APBB2: variants seen among roughly 807,000 people sequenced by gnomAD.
APBB2 encodes the protein Fe65-like 1.
In APBB2, 38 loss-of-function variants were observed where a neutral mutation model predicts 82.5. That is an observed-to-expected ratio of 0.46 (90% CI 0.36 to 0.60). APBB2 has a LOEUF of 0.60. APBB2 is among the 20% of genes least tolerant of loss of function. The pLI is 0.00. For missense variants in APBB2, 772 were observed against 972.3 expected (o/e 0.79, Z 2.74); for synonymous variants, 341 against 368.2 (o/e 0.93, Z 0.85).
At chr4:40,909,357 T>C (rs1777935872) in intron 10 of APBB2, among the ~76,000 whole-genome samples, 1 of 152,162 alleles carries the variant, frequency 6.6e-6, no homozygotes, top group African/African-American at 2.4e-5. Flanking sequence ...GTTTGCTCTC[T>C]GCAGGAAACC....
Position 40,992,725 on chromosome 4 carries a change from C to T in APBB2, c.835+20858G>A, listed in dbSNP as rs369897368. Among the ~76,000 whole-genome samples, 68 of 152,174 alleles carry T rather than the reference C, an allele frequency of 4.5e-4. No homozygotes were observed. The Middle Eastern group carries it at 0.01, about 23-fold the overall frequency. On this transcript the variant is annotated intron_variant, in intron 6 of 17. Coordinates refer to ENST00000508593, the MANE Select transcript of APBB2 (RefSeq NM_004307.2). ...AGCAGGAGTATCACGAGCAGAAGAC[C>T]GACCCCCGATGTCCAGGCCAGGGAG...
intron 1 of APBB2, among the ~76,000 whole-genome samples, chr4:41,212,208 T>C (rs1779494532): frequency 6.6e-6 from 1 of 152,240 alleles, no homozygotes; most frequent in Non-Finnish European, 1.5e-5. Context: ...AAGTACCAGT[T>C]TAAAAATATT....
chr4:41,193,004 C>G (rs1774908592), intron 1 of APBB2, among the ~76,000 whole-genome samples: 2 of 152,222 alleles, frequency 1.3e-5, no homozygotes, highest in African/African-American at 4.8e-5. Context: ...CATTTGATTT[C>G]TAGTAGTGAG....
At position 40,823,721 on chromosome 4, in the gene APBB2, T is replaced by C; in HGVS notation, c.1855A>G (p.Thr619Ala). 4 of 1,613,838 alleles carry C rather than the reference T, an allele frequency of 2.5e-6. No individual in the cohort carries two copies. The highest frequency in any genetic ancestry group is 1.6e-4 in the Middle Eastern group (1 of 6,062). ...ILNSAIENLM[T>A]SSNKEDWLSV... ...AGCCAGTCCTCCTTGTTGGATGAGGTCATAAGATTTTCTATGGCACTGTTC... is the reference window on the plus strand; with the variant it reads ...AGCCAGTCCTCCTTGTTGGATGAGGCCATAAGATTTTCTATGGCACTGTTC... Residue 619 changes from threonine (T) to alanine (A), a missense_variant, in exon 16 of 18, where the codon ACC becomes GCC. Physicochemically the swap from Thr to Ala is moderately conservative, Grantham distance 58. Transcript: ENST00000508593.
chr4:40,913,213 G>A (rs967496860), intron 10 of APBB2, among the ~76,000 whole-genome samples: 1 of 152,198 alleles, frequency 6.6e-6, no homozygotes, highest in Non-Finnish European at 1.5e-5. Flanking sequence ...AGTCTGGGGG[G>A]TCAGAGCTGG....
intron 2 of APBB2, among the ~76,000 whole-genome samples, chr4:41,115,805 T>C (rs914643639): frequency 6.6e-6 from 1 of 151,960 alleles, no homozygotes; most frequent in Non-Finnish European, 1.5e-5. Flanking sequence ...CATTAAAAAG[T>C]TAGGAAACAA....
intron 6 of APBB2, among the ~76,000 whole-genome samples, chr4:40,981,123 A>C (rs1798352040): frequency 6.6e-6 from 1 of 152,228 alleles, no homozygotes; most frequent in South Asian, 2.1e-4. Flanking sequence ...ACTTGTTTAT[A>C]GTGCTAGGGT....
Position 40,826,987 on chromosome 4 carries a change from C to T in APBB2, c.1732+145G>A. 1 of 687,248 alleles carries T rather than the reference C, an allele frequency of 1.5e-6. No individual in the cohort carries two copies. Among genetic ancestry groups the T allele is most frequent in the South Asian group, 1.9e-5 (1 of 53,892 alleles). 42.6% of individuals were successfully genotyped at this position (687,248 alleles called of 1,614,324 possible). A position where few individuals can be genotyped will look rare whatever the true frequency, so the allele number is the denominator to read the frequency against. On this transcript the variant is annotated intron_variant, in intron 14 of 17. Transcript: ENST00000508593. This position sits in a 1 kb window ranked among gnomAD's most constrained non-coding sequence, Gnocchi z 4.5. ...AAATCAACTCTGTGCCTCTGTGAGA[C>T]CCAGCGTGCAGGCTCAACTTGTGCT...
chr4:41,210,257 G>C (rs898151897), intron 1 of APBB2, among the ~76,000 whole-genome samples: 3 of 152,230 alleles, frequency 2.0e-5, no homozygotes, highest in African/African-American at 7.2e-5. Context: ...CTGCATCACA[G>C]ATCTCTAGAC....
intron 6 of APBB2, among the ~76,000 whole-genome samples, chr4:40,982,900 C>A (rs924148533): frequency 4.6e-5 from 7 of 152,178 alleles, no homozygotes; most frequent in African/African-American, 1.4e-4. Flanking sequence ...TGCCATGTAC[C>A]TGGACTTTAA....
At chr4:40,984,433 T>G (rs115150174) in intron 6 of APBB2, among the ~76,000 whole-genome samples, 2 of 152,090 alleles carry the variant, frequency 1.3e-5, no homozygotes, top group Admixed American at 6.6e-5. Context: ...TTTTGGGATT[T>G]TGAAAGAAGT....
At chr4:41,058,820 C>G (rs1439266876) in intron 4 of APBB2, among the ~76,000 whole-genome samples, 1 of 152,022 alleles carries the variant, frequency 6.6e-6, no homozygotes, top group East Asian at 1.9e-4. Flanking sequence ...GCTGAGGTGA[C>G]AGGGAAGGGC....
intron 10 of APBB2, among the ~76,000 whole-genome samples, chr4:40,918,762 T>G (rs2154366930): frequency 7.0e-6 from 1 of 143,080 alleles, no homozygotes; most frequent in African/African-American, 2.8e-5. Context: ...TTTCTCTGTT[T>G]TTTTTTTTGT....
intron 2 of APBB2, among the ~76,000 whole-genome samples, chr4:41,122,461 G>A (rs1195800901): frequency 6.6e-6 from 1 of 152,070 alleles, no homozygotes; most frequent in Admixed American, 6.6e-5. Context: ...ACCAAGGTAG[G>A]AGTGGCATTC....
At chr4:40,846,506 C>G (rs1231051819) in intron 12 of APBB2, among the ~76,000 whole-genome samples, 2 of 151,898 alleles carry the variant, frequency 1.3e-5, no homozygotes, top group Admixed American at 1.3e-4. Context: ...GCAAATTTAC[C>G]ATCTGATTTC....
At chr4:40,971,583 T>G (rs1578856730) in intron 6 of APBB2, among the ~76,000 whole-genome samples, 1 of 152,224 alleles carries the variant, frequency 6.6e-6, no homozygotes, top group African/African-American at 2.4e-5. Context: ...TCATGGCTTC[T>G]GCAATATTTT....
chr4:41,051,039 C>G (rs1725742316), intron 4 of APBB2, among the ~76,000 whole-genome samples: 1 of 149,714 alleles, frequency 6.7e-6, no homozygotes, highest in South Asian at 2.1e-4. Context: ...AGGACCTCCT[C>G]TATCTCCAGC....
chr4:40,974,691 A>C (rs908234353), intron 6 of APBB2, among the ~76,000 whole-genome samples: 1 of 152,188 alleles, frequency 6.6e-6, no homozygotes, highest in African/African-American at 2.4e-5. Context: ...AAACCTCTTT[A>C]ATCTAACATG....
chr4:40,934,787 G>T, intron 8 of APBB2, 88 bp from the exon 9 acceptor site: 1 of 965,502 alleles, frequency 1.0e-6, no homozygotes, highest in Non-Finnish European at 1.6e-6. Context: ...CGTCTTCCCA[G>T]CAAGAGGCAG....
Sources: allele counts gnomAD v4.1 joint callset (sites outside exome capture counted in the v4.1 genomes callset), GRCh38; gene constraint gnomAD v4.1.1; non-coding constraint Gnocchi (gnomAD v3.1); transcripts MANE v1.5; gene names NCBI Gene and HGNC (gene_info 2026-07-23, HGNC 2026-07-21).